The following CCDC187 variants were observed in gnomAD, a reference collection of about 807,000 sequenced individuals.
CCDC187 encodes the protein coiled-coil domain-containing protein 187.
CCDC187 carries 32 observed loss-of-function variants against 38.0 expected under a neutral mutation model. The observed-to-expected ratio is 0.84, with a 90% confidence interval of 0.64 to 1.13. CCDC187 has a LOEUF of 1.13. Ranked by LOEUF, CCDC187 falls within the 50% of genes most tolerant of loss-of-function variation. The pLI is 0.00. For missense variants in CCDC187, 707 were observed against 786.8 expected (o/e 0.90, Z 1.21); for synonymous variants, 333 against 347.9 (o/e 0.96, Z 0.48).
chr9:136,302,292 C>G (rs1831704942), intron 2 of CCDC187, among the ~76,000 whole-genome samples: 1 of 152,142 alleles, frequency 6.6e-6, no homozygotes, highest in Non-Finnish European at 1.5e-5. Flanking sequence ...AGGACTGGCT[C>G]TCAACATCAC....
In CCDC187 at chr9:136,264,414, G is replaced by A. The variant is rs1554761367; in HGVS notation, c.3736-616C>T. On this transcript the variant is annotated intron_variant, in intron 17 of 25. Transcript: ENST00000638797. The surrounding 1 kb of genome is among the most constrained non-coding windows in gnomAD (Gnocchi z 4.3). Reference sequence around the variant, plus strand: ...CGGCCAGCTCCAGCTCCTCCCGCCTGGGATCCCTGGGCAGCGCCTGTTCTG... The same window carrying A: ...CGGCCAGCTCCAGCTCCTCCCGCCTAGGATCCCTGGGCAGCGCCTGTTCTG... Among the ~76,000 whole-genome samples, 1 of 152,172 alleles carries A rather than the reference G, an allele frequency of 6.6e-6. No homozygotes were observed. The highest frequency in any genetic ancestry group is 1.5e-5 in the Non-Finnish European group (1 of 68,020).
chr9:136,265,997 C>T lies in CCDC187; in HGVS notation c.3694G>A (p.Glu1232Lys), dbSNP rs1830739024. The change falls in exon 17 of 26, where the codon GAG (glutamate) becomes AAG (lysine). Residue 1232 changes from glutamate to lysine, a missense_variant. Transcript: ENST00000638797. ...CTGCTGAGGGCTTGCTGCTGCTTCT[C>T]AACCAGCGCGGCCAGCACAGCTCTG... ...RDRAVLAALV[E>K]KQQQALSRLE... is the part of the protein sequence containing the mutation. 3 of 985,530 alleles carry T rather than the reference C, an allele frequency of 3.0e-6. No homozygotes were observed. The highest frequency in any genetic ancestry group is 3.6e-6 in the Non-Finnish European group (3 of 829,980). 61.0% of individuals were successfully genotyped at this position (985,530 alleles called of 1,614,324 possible).
In CCDC187 at chr9:136,255,837, A is replaced by C. The variant is rs1176486505; in HGVS notation, c.4617-104T>G. On this transcript the variant is annotated intron_variant, in intron 24 of 25. Transcript: ENST00000638797. The stretch of plus-strand genomic sequence containing the variant: ...CCACCAGGCTCAGTCCACAGCTCAC[A>C]CTCGAAAAACATCCCAGCCAGTCCT... 5 of 488,404 alleles carry C rather than the reference A, an allele frequency of 1.0e-5. 1 individual carries two copies. Among genetic ancestry groups the C allele is most frequent in the Non-Finnish European group, 1.3e-5 (5 of 375,458 alleles). The allele number at this position is 488,404 out of a possible 1,614,324, so 30.3% of individuals were successfully genotyped here.
chr9:136,295,097 C>T (rs1831502328), intron 4 of CCDC187, among the ~76,000 whole-genome samples: 1 of 152,238 alleles, frequency 6.6e-6, no homozygotes. Flanking sequence ...GTCAGGATTC[C>T]ACTGGCTCAG....
At chr9:136,260,421 C>T (rs1554760869) in intron 19 of CCDC187, among the ~76,000 whole-genome samples, 157 bp from the exon 20 acceptor site, 1 of 151,058 alleles carries the variant, frequency 6.6e-6, no homozygotes, top group Non-Finnish European at 1.5e-5. Context: ...GAAGACGGGA[C>T]TGTGACCCCC....
At chr9:136,262,931 C>T (rs868914264) in intron 18 of CCDC187, among the ~76,000 whole-genome samples, 2 of 152,192 alleles carry the variant, frequency 1.3e-5, no homozygotes, top group South Asian at 2.1e-4. Flanking sequence ...CTCCGTCTGC[C>T]GGTGGACATG....
chr9:136,293,461 A>T (rs1433123182), intron 4 of CCDC187, among the ~76,000 whole-genome samples: 1 of 34,916 alleles, frequency 2.9e-5, no homozygotes, highest in African/African-American at 1.0e-4. Flanking sequence ...GCTCACACTC[A>T]CACTCACATG....
intron 4 of CCDC187, among the ~76,000 whole-genome samples, chr9:136,293,403 A>AT (rs1831415338): frequency 9.0e-5 from 7 of 78,154 alleles, no homozygotes; most frequent in East Asian, 4.6e-4. Flanking sequence ...ACACACTCAC[A>AT]AACACTCACA....
At position 136,297,775 on chromosome 9, in the gene CCDC187, T is replaced by G. The variant is rs1831571982; in HGVS notation, c.771A>C (p.Arg257Ser). The G allele has an allele frequency of 5.0e-6, 2 of 398,610 alleles. No individual in the cohort carries two copies. Among genetic ancestry groups the G allele is most frequent in the East Asian group, 7.1e-5 (2 of 28,068 alleles). The allele number at this position is 398,610 out of a possible 1,614,324, so 24.7% of individuals were successfully genotyped here. A position where few individuals can be genotyped will look rare whatever the true frequency, so the allele number is the denominator to read the frequency against. ...GGGAGGGCAACTTGGGGGTCTTCTC[T>G]CTTTTGCAAGAACTGCTTTTGACCC... ...PKRVKSSSCK[R>S]EKTPKLPSPR... The change falls in exon 4 of 26, where the codon AGA (arginine) becomes AGC (serine). Residue 257 changes from arginine (R) to serine (S), a missense_variant. By Grantham distance (110) the Arg-to-Ser change is moderately radical (BLOSUM62 -1). Coordinates refer to ENST00000638797, the MANE Select transcript of CCDC187 (RefSeq NM_001378188.1).
chr9:136,289,873 G>C (rs1831272476), intron 7 of CCDC187, 86 bp downstream of exon 7: 1 of 395,048 alleles, frequency 2.5e-6, no homozygotes, highest in Admixed American at 4.4e-5. Flanking sequence ...GCAATGTCAC[G>C]AGGGCCCCAG....
Position 136,255,711 on chromosome 9 carries a change from C to T in CCDC187, c.4639G>A (p.Val1547Ile). 1 of 985,452 alleles carries T rather than the reference C, an allele frequency of 1.0e-6. No individual in the cohort carries two copies. The highest frequency in any genetic ancestry group is 1.2e-6 in the Non-Finnish European group (1 of 829,944). 61.0% of individuals were successfully genotyped at this position (985,452 alleles called of 1,614,324 possible). Residue 1547 changes from valine to isoleucine, a missense_variant, in exon 25 of 26, where the codon GTC (valine) becomes ATC (isoleucine). Transcript: ENST00000638797. ...AGCCAGGTGGAGGAGATGCCGGGGA[C>T]CTCCTGCTGACAGGCCTCCGTCCTG... The part of the protein sequence containing the change: ...EQRTEACQQE[V>I]PGISSTWLEA...
intron 14 of CCDC187, among the ~76,000 whole-genome samples, chr9:136,270,508 T>G (rs1447980267): frequency 6.6e-6 from 1 of 152,094 alleles, no homozygotes; most frequent in Non-Finnish European, 1.5e-5. Flanking sequence ...ACTTCCACTA[T>G]TTCTTCTTCT....
chr9:136,273,795 T>C (rs1554762766), intron 14 of CCDC187, among the ~76,000 whole-genome samples: 1 of 152,256 alleles, frequency 6.6e-6, no homozygotes, highest in African/African-American at 2.4e-5. Flanking sequence ...CAGATGTGTT[T>C]TGTGAACACA....
rs776078132 is a variant in CCDC187, at chr9:136,250,827, G to A, written c.*2767C>T. On this transcript the variant is annotated 3_prime_UTR_variant, in exon 26 of 26. Transcript: ENST00000638797. The stretch of plus-strand genomic sequence containing the variant: ...CCTGGGGCTAAGCAGCCGCCCCGGG[G>A]CTGGAGAAGGCAGGCTGGGTCCAGC... 3.9e-5 allele frequency: 18 copies of A among 456,104 alleles called. No homozygotes were observed. Among genetic ancestry groups the A allele is most frequent in the Middle Eastern group, 3.2e-4 (1 of 3,082 alleles). 28.3% of individuals were successfully genotyped at this position (456,104 alleles called of 1,614,324 possible).
At chr9:136,293,546 GAC>G (rs1831435560) in intron 4 of CCDC187, among the ~76,000 whole-genome samples, 1 of 138,482 alleles carries the variant, frequency 7.2e-6, no homozygotes, top group South Asian at 2.3e-4. Flanking sequence ...CACTCACACT[GAC>G]ATGCTCACAC....
At chr9:136,306,542 ATCTTACGTCGTC>A (rs1281668667), upstream of CCDC187, among the ~76,000 whole-genome samples, 2 of 152,072 alleles carry the variant, frequency 1.3e-5, no homozygotes, top group Non-Finnish European at 2.9e-5. Context: ...TTGATGACTT[ATCTTACGTCGTC>A]TCAGGGCAAT....
intron 9 of CCDC187, among the ~76,000 whole-genome samples, chr9:136,284,111 C>T (rs960973166): frequency 7.9e-5 from 12 of 152,192 alleles, no homozygotes; most frequent in African/African-American, 2.9e-4. Context: ...GGAAATGTCC[C>T]AGCAGGAGGA....
Position 136,302,984 on chromosome 9 carries a change from C to A in CCDC187, c.453G>T (p.Arg151=). ...PQQRPRKSDA[R]LEQLRDKIRA... is the part of the protein sequence containing the mutation. Reference sequence around the variant, plus strand: ...GGATCTTGTCTCTCAGCTGCTCCAGCCGCGCGTCACTCTTTCTGGGCCTCT... The same window carrying A: ...GGATCTTGTCTCTCAGCTGCTCCAGACGCGCGTCACTCTTTCTGGGCCTCT... Residue 151 remains arginine, a synonymous_variant, in exon 2 of 26, where the codon CGG becomes CGT. Coordinates refer to ENST00000638797, the MANE Select transcript of CCDC187 (RefSeq NM_001378188.1). 2.5e-6 allele frequency: 1 copy of A among 398,774 alleles called. No homozygotes were observed. The highest frequency in any genetic ancestry group is 4.4e-6 in the Non-Finnish European group (1 of 226,174). The allele number at this position is 398,774 out of a possible 1,614,324, so 24.7% of individuals were successfully genotyped here. A position where few individuals can be genotyped will look rare whatever the true frequency, so the allele number is the denominator to read the frequency against.
At chr9:136,265,425 A>G (rs1446817278) in intron 17 of CCDC187, 1 of 152,196 alleles carries the variant, frequency 6.6e-6, no homozygotes, top group Non-Finnish European at 1.5e-5. Flanking sequence ...CCCAGCCCCC[A>G]TGCATGTGCA....
Sources: allele counts gnomAD v4.1 joint callset (sites outside exome capture counted in the v4.1 genomes callset), GRCh38; gene constraint gnomAD v4.1.1; non-coding constraint Gnocchi (gnomAD v3.1); transcripts MANE v1.5; gene names NCBI Gene and HGNC (gene_info 2026-07-23, HGNC 2026-07-21).